Variants in CACNA2D1 observed in about 807,000 individuals in gnomAD.
CACNA2D1 encodes calcium voltage-gated channel auxiliary subunit alpha2delta 1, also known as voltage-dependent calcium channel subunit alpha-2/delta-1.
Under a neutral mutation model 171.5 loss-of-function variants are expected in CACNA2D1, and 53 were observed. The observed-to-expected ratio is 0.31, with a 90% CI of 0.25 to 0.39. The LOEUF (loss-of-function observed/expected upper bound fraction) is 0.39, where lower values mean the gene tolerates loss of function less well. CACNA2D1 is among the 10% of genes least tolerant of loss of function. The pLI, the probability that CACNA2D1 is intolerant of heterozygous loss-of-function variation, is 1.00. For synonymous variants in CACNA2D1, 442 were observed against 443.1 expected, an observed-to-expected ratio of 1.00 and a Z score of 0.03; for missense variants, 903 against 1,299.8, an observed-to-expected ratio of 0.69 and a Z score of 4.69.
intron 3 of CACNA2D1, among the ~76,000 whole-genome samples, chr7:82,232,801 T>G (rs530298353): frequency 1.6e-5 from 2 of 128,826 alleles, no homozygotes; most frequent in South Asian, 2.5e-4. Flanking sequence ...GAGGCAGAGG[T>G]TGCAGTGAGC....
chr7:82,249,600 T>C (rs1199608687), intron 3 of CACNA2D1, among the ~76,000 whole-genome samples: 1 of 152,224 alleles, frequency 6.6e-6, no homozygotes, highest in Non-Finnish European at 1.5e-5. Context: ...TACAAAATGG[T>C]TGGAAATAAA....
At chr7:82,391,822 A>G (rs1433304559) in intron 1 of CACNA2D1, among the ~76,000 whole-genome samples, 2 of 152,232 alleles carry the variant, frequency 1.3e-5, no homozygotes, top group Non-Finnish European at 2.9e-5. Flanking sequence ...CTTCTTCTAG[A>G]AAAGTTGTTT....
chr7:82,058,596 T>C (rs1266501507), intron 10 of CACNA2D1, among the ~76,000 whole-genome samples: 1 of 152,188 alleles, frequency 6.6e-6, no homozygotes, highest in African/African-American at 2.4e-5. Context: ...GTCAGATAGA[T>C]TGTAAAATCA....
intron 1 of CACNA2D1, among the ~76,000 whole-genome samples, chr7:82,413,690 T>C (rs907029519): frequency 4.6e-5 from 7 of 152,226 alleles, no homozygotes; most frequent in Admixed American, 3.9e-4. Context: ...TAGATGTAAA[T>C]ACTTAATGTG....
chr7:82,248,233 T>C (rs1805165591), intron 3 of CACNA2D1, among the ~76,000 whole-genome samples: 1 of 152,288 alleles, frequency 6.6e-6, no homozygotes, highest in South Asian at 2.1e-4. Flanking sequence ...GGCATTCACT[T>C]TGACTGTTTT....
At chr7:82,072,848 T>C (rs1808490949) in intron 7 of CACNA2D1, among the ~76,000 whole-genome samples, 1 of 152,118 alleles carries the variant, frequency 6.6e-6, no homozygotes, top group Non-Finnish European at 1.5e-5. Context: ...TAAGACTTAA[T>C]GAATTTTACA....
At chr7:82,354,449 A>G (rs1820203793) in intron 1 of CACNA2D1, among the ~76,000 whole-genome samples, 1 of 152,182 alleles carries the variant, frequency 6.6e-6, no homozygotes, top group Admixed American at 6.6e-5. Context: ...AATCTAATCC[A>G]TGGCTAGAAG....
intron 10 of CACNA2D1, among the ~76,000 whole-genome samples, chr7:82,041,650 T>C (rs1803978685): frequency 6.6e-6 from 1 of 152,208 alleles, no homozygotes; most frequent in Non-Finnish European, 1.5e-5. Flanking sequence ...ATTCAAATAT[T>C]GAAAACTGAG....
At position 81,982,655 on chromosome 7, in the gene CACNA2D1, T is replaced by C. The variant is rs371094542; in HGVS notation, c.1895-28A>G. 5.9e-5 allele frequency: 82 copies of C among 1,391,356 alleles called. 1 individual carries two copies. In the East Asian group the frequency reaches 1.1e-3, roughly 19 times the overall value. The allele number at this position is 1,391,356 out of a possible 1,614,324, so 86.2% of individuals were successfully genotyped here. On this transcript the variant is annotated intron_variant, in intron 23 of 38. Transcript: ENST00000356860. ...GCAAAGATAATGTTACAGGATTAGATAGGTAATTCAGAGTATATATCCAGA... is the reference window on the plus strand; with the variant it reads ...GCAAAGATAATGTTACAGGATTAGACAGGTAATTCAGAGTATATATCCAGA...
chr7:82,085,476 T>C (rs1025578244), intron 6 of CACNA2D1, among the ~76,000 whole-genome samples: 2 of 151,556 alleles, frequency 1.3e-5, no homozygotes, highest in African/African-American at 4.8e-5. Context: ...TAATCAACTA[T>C]TGATGACTCT....
chr7:82,432,060 T>TAAAAAAAAAAA (rs1829734716), intron 1 of CACNA2D1, among the ~76,000 whole-genome samples: 1 of 72,980 alleles, frequency 1.4e-5, no homozygotes, highest in Admixed American at 1.1e-4. Context: ...AAAAAAAAAT[T>TAAAAAAAAAAA]GGAGAGTACT....
intron 12 of CACNA2D1, among the ~76,000 whole-genome samples, chr7:82,020,519 C>CT (rs1477764741): frequency 6.6e-6 from 1 of 151,914 alleles, no homozygotes; most frequent in Non-Finnish European, 1.5e-5. Context: ...ATTGTAAGCT[C>CT]TGTAAGTATT....
chr7:82,322,857 C>T (rs777546649), intron 3 of CACNA2D1, among the ~76,000 whole-genome samples: 8 of 152,110 alleles, frequency 5.3e-5, no homozygotes, highest in Admixed American at 4.6e-4. Flanking sequence ...CATCTCACAA[C>T]GGGCTTCTAC....
intron 3 of CACNA2D1, among the ~76,000 whole-genome samples, chr7:82,181,074 T>G (rs1388866083): frequency 7.7e-6 from 1 of 130,482 alleles, no homozygotes; most frequent in Non-Finnish European, 1.6e-5. Context: ...TTTTTTTTTT[T>G]TTTGCGTCAG....
chr7:82,107,750 A>C (rs1235731693), intron 6 of CACNA2D1, among the ~76,000 whole-genome samples: 3 of 151,696 alleles, frequency 2.0e-5, no homozygotes, highest in Non-Finnish European at 4.4e-5. Flanking sequence ...CACCTGGCTA[A>C]GTTTTGTATT....
At chr7:82,159,029 T>C (rs1008076980) in intron 4 of CACNA2D1, among the ~76,000 whole-genome samples, 3 of 151,906 alleles carry the variant, frequency 2.0e-5, no homozygotes, top group African/African-American at 7.2e-5. Flanking sequence ...ATATTTTCTT[T>C]TCTTCATATT....
intron 10 of CACNA2D1, among the ~76,000 whole-genome samples, chr7:82,056,009 TAAAAAAAAA>T (rs61512655): frequency 2.6e-3 from 108 of 42,202 alleles, no homozygotes; most frequent in Admixed American, 0.018. Context: ...ACTCAAAAGT[TAAAAAAAAA>T]AAAAAAAAAA....
chr7:82,120,079 G>T (rs1486185608), intron 5 of CACNA2D1, among the ~76,000 whole-genome samples: 1 of 152,106 alleles, frequency 6.6e-6, no homozygotes, highest in Non-Finnish European at 1.5e-5. Context: ...AGCTATTCAG[G>T]AGGCTGAGAC....
chr7:82,402,908 T>C (rs1205794451), intron 1 of CACNA2D1, among the ~76,000 whole-genome samples: 1 of 151,950 alleles, frequency 6.6e-6, no homozygotes, highest in Non-Finnish European at 1.5e-5. Context: ...GATAATAGAT[T>C]ATTATTTATA....
Sources: allele counts gnomAD v4.1 joint callset (sites outside exome capture counted in the v4.1 genomes callset), GRCh38; gene constraint gnomAD v4.1.1; transcripts MANE v1.5; gene names NCBI Gene and HGNC (gene_info 2026-07-23, HGNC 2026-07-21).